Variants in DOCK1 observed in about 807,000 individuals in gnomAD.
The protein encoded by DOCK1 is dedicator of cytokinesis protein 1.
DOCK1 carries 138 observed loss-of-function variants against 262.7 expected under a neutral mutation model. The observed-to-expected ratio is 0.53, with a 90% CI of 0.46 to 0.61. The LOEUF is 0.61. DOCK1 is among the 20% of genes least tolerant of loss of function. The probability of loss-of-function intolerance (pLI) is 0.00; values close to 1 mark genes in which losing one functional copy is unlikely to be tolerated. For missense variants in DOCK1, 1,908 were observed against 2,370.7 expected (o/e 0.80, Z 4.05); for synonymous variants, 866 against 867.4 (o/e 1.00, Z 0.03).
intron 27 of DOCK1, among the ~76,000 whole-genome samples, chr10:127,163,528 ATGAATGAATGAG>A (rs1050658105): frequency 1.3e-5 from 2 of 152,144 alleles, no homozygotes; most frequent in Non-Finnish European, 2.9e-5. Flanking sequence ...GCTTGAGTGA[ATGAATGAATGAG>A]TGAATGAATG....
In DOCK1 at chr10:127,143,638, G is replaced by A. The variant is rs1248828289; in HGVS notation, c.2847+15874G>A. 2.6e-5 allele frequency among the ~76,000 whole-genome samples: 4 copies of A among 152,236 alleles called. No individual in the cohort carries two copies. In the South Asian group the frequency reaches 8.3e-4, roughly 32 times the overall value. On this transcript the variant is annotated intron_variant, in intron 27 of 51. Coordinates refer to ENST00000623213, the MANE Select transcript of DOCK1 (RefSeq NM_001290223.2). The stretch of plus-strand genomic sequence containing the variant: ...ACAATTTATGTCAACTGACATTGGC[G>A]CCAACTTGGCCGGTTTTATGTGAGT...
chr10:127,332,907 T>A (rs2063045609), intron 29 of DOCK1, among the ~76,000 whole-genome samples: 1 of 152,164 alleles, frequency 6.6e-6, no homozygotes, highest in South Asian at 2.1e-4. Flanking sequence ...AGTGACATTC[T>A]CTGCATCTCT....
intron 25 of DOCK1, among the ~76,000 whole-genome samples, chr10:127,121,730 A>T (rs551185057): frequency 2.3e-4 from 35 of 152,326 alleles, no homozygotes; most frequent in Admixed American, 6.5e-4. Flanking sequence ...TGGATAGTGC[A>T]GCTGTAAGGC....
At chr10:127,037,220 C>T (rs61873982) in intron 18 of DOCK1, among the ~76,000 whole-genome samples, 6,915 of 152,284 alleles carry the variant, frequency 0.045, 215 homozygotes, top group Non-Finnish European at 0.068. Flanking sequence ...GGCGTGGTCT[C>T]AGTTGTCCAG....
At chr10:126,963,714 G>A (rs1427441294) in intron 1 of DOCK1, among the ~76,000 whole-genome samples, 2 of 146,128 alleles carry the variant, frequency 1.4e-5, no homozygotes, top group Non-Finnish European at 3.0e-5. Context: ...CCTGCTGTGT[G>A]CCAGGTGTTT....
At chr10:127,121,481 C>G (rs140064644) in intron 25 of DOCK1, among the ~76,000 whole-genome samples, 14 of 32,946 alleles carry the variant, frequency 4.2e-4, no homozygotes, top group Admixed American at 1.8e-3. Context: ...GTGTGTCTAT[C>G]TGTCCGTCTG....
At chr10:127,277,324 A>G (rs2060778563) in intron 29 of DOCK1, among the ~76,000 whole-genome samples, 2 of 152,336 alleles carry the variant, frequency 1.3e-5, no homozygotes, top group East Asian at 1.9e-4. Context: ...TTGACTTCCA[A>G]TAGATAAATA....
intron 29 of DOCK1, among the ~76,000 whole-genome samples, chr10:127,300,547 G>C (rs2061645316): frequency 6.6e-6 from 1 of 152,248 alleles, no homozygotes; most frequent in African/African-American, 2.4e-5. Flanking sequence ...AAATAGAAAA[G>C]AGATATCGCC....
intron 21 of DOCK1, among the ~76,000 whole-genome samples, chr10:127,048,525 T>G (rs773264612): frequency 3.9e-5 from 6 of 152,200 alleles, no homozygotes; most frequent in Non-Finnish European, 7.3e-5. Context: ...GAAGCCTAAA[T>G]CATCATTTAA....
chr10:127,247,944 A>T, intron 27 of DOCK1, 64 bp from the exon 28 acceptor site: 1 of 1,513,276 alleles, frequency 6.6e-7, no homozygotes, highest in African/African-American at 1.4e-5. Flanking sequence ...ATCTGGGATG[A>T]TTTCGGCTTT....
intron 42 of DOCK1, 54 bp downstream of exon 42, chr10:127,409,445 G>T: frequency 6.4e-7 from 1 of 1,554,128 alleles, no homozygotes; most frequent in Non-Finnish European, 8.9e-7. Flanking sequence ...GCTGTGTACA[G>T]ATCTCTTGCT....
At chr10:127,316,499 T>A (rs2062287962) in intron 29 of DOCK1, among the ~76,000 whole-genome samples, 1 of 152,234 alleles carries the variant, frequency 6.6e-6, no homozygotes, top group African/African-American at 2.4e-5. Context: ...TGTTTGGCCT[T>A]GTATTGGATT....
At chr10:127,223,934 T>C (rs368138629) in intron 27 of DOCK1, among the ~76,000 whole-genome samples, 1 of 152,316 alleles carries the variant, frequency 6.6e-6, no homozygotes, top group East Asian at 1.9e-4. Context: ...GAAAGGATGC[T>C]GAGCTGTGCT....
chr10:126,961,795 T>A (rs1422511333), intron 1 of DOCK1, among the ~76,000 whole-genome samples: 1 of 152,196 alleles, frequency 6.6e-6, no homozygotes, highest in Non-Finnish European at 1.5e-5. Context: ...TGAATAATGC[T>A]GCTGTGAACA....
chr10:126,957,499 T>G (rs879022615), intron 1 of DOCK1, among the ~76,000 whole-genome samples: 26,540 of 152,058 alleles, frequency 0.17, 2,957 homozygotes, highest in East Asian at 0.57. Context: ...TTTTTATTTT[T>G]TTCAGAGCCA....
At chr10:127,124,677 T>G (rs2049832209) in intron 25 of DOCK1, among the ~76,000 whole-genome samples, 1 of 152,198 alleles carries the variant, frequency 6.6e-6, no homozygotes, top group Non-Finnish European at 1.5e-5. Flanking sequence ...CACCTGCTTT[T>G]CATTTCCTGT....
chr10:127,210,787 C>T (rs1564906178), intron 27 of DOCK1, among the ~76,000 whole-genome samples: 1 of 152,166 alleles, frequency 6.6e-6, no homozygotes, highest in Non-Finnish European at 1.5e-5. Flanking sequence ...AAGCCTAATG[C>T]AGATCCTCTC....
At chr10:127,445,054 G>T (rs138691305) in intron 50 of DOCK1, among the ~76,000 whole-genome samples, 4 of 152,190 alleles carry the variant, frequency 2.6e-5, no homozygotes, top group Non-Finnish European at 5.9e-5. Flanking sequence ...CATCTGCAAA[G>T]ACCCTACATC....
At chr10:127,448,495 T>C (rs11018102) in intron 51 of DOCK1, among the ~76,000 whole-genome samples, 28,439 of 152,152 alleles carry the variant, frequency 0.19, 2,852 homozygotes, top group Middle Eastern at 0.28. Context: ...CCCATCCTCA[T>C]GTCGGGCCCA....
Sources: gnomAD v4.1 joint callset for allele counts (sites outside exome capture counted in the v4.1 genomes callset) on GRCh38, gnomAD v4.1.1 for gene constraint, MANE v1.5 for transcripts, NCBI Gene and HGNC (gene_info 2026-07-23, HGNC 2026-07-21) for gene names.